The following SRRM4 variants were observed in gnomAD, a reference collection of about 807,000 sequenced individuals.
The protein encoded by SRRM4 is serine/arginine repetitive matrix protein 4.
SRRM4 carries 33 observed loss-of-function variants against 68.9 expected under a neutral mutation model. The ratio of observed to expected loss-of-function variants is 0.48; its 90% confidence interval spans 0.36 to 0.64. The LOEUF (loss-of-function observed/expected upper bound fraction) is 0.64, where lower values mean the gene tolerates loss of function less well. Among genes scored for constraint, SRRM4 ranks in the 30% least tolerant of loss-of-function variants. SRRM4 has a pLI of 0.00. For synonymous variants in SRRM4, 318 were observed against 318.8 expected, an observed-to-expected ratio of 1.00 and a Z score of 0.03; for missense variants, 817 against 827.1, an observed-to-expected ratio of 0.99 and a Z score of 0.15.
At chr12:118,994,594 C>T (rs1170319826) in intron 1 of SRRM4, among the ~76,000 whole-genome samples, 3 of 152,198 alleles carry the variant, frequency 2.0e-5, no homozygotes, top group Non-Finnish European at 4.4e-5. Flanking sequence ...TCAGTTCTGA[C>T]GCATGCCAAG....
chr12:119,148,315 C>T (rs112104537), intron 9 of SRRM4, among the ~76,000 whole-genome samples: 2,450 of 152,292 alleles, frequency 0.016, 76 homozygotes, highest in African/African-American at 0.056. Context: ...CAGGTCATCC[C>T]TGGCCTCAGC....
At chr12:119,092,562 C>T (rs1483536906) in intron 1 of SRRM4, among the ~76,000 whole-genome samples, 1 of 152,112 alleles carries the variant, frequency 6.6e-6, no homozygotes, top group Non-Finnish European at 1.5e-5. Flanking sequence ...CACTCCATAG[C>T]CAATCCATGC....
At chr12:118,988,540 C>T (rs775245308) in intron 1 of SRRM4, among the ~76,000 whole-genome samples, 11 of 152,054 alleles carry the variant, frequency 7.2e-5, no homozygotes. Context: ...TGAACAACCA[C>T]CAGTGATGGG....
intron 1 of SRRM4, among the ~76,000 whole-genome samples, chr12:119,092,569 A>G (rs955364852): frequency 5.9e-5 from 9 of 152,102 alleles, no homozygotes; most frequent in African/African-American, 2.2e-4. Context: ...TAGCCAATCC[A>G]TGCAAAAACT....
intron 1 of SRRM4, among the ~76,000 whole-genome samples, chr12:119,003,859 T>C (rs770162670): frequency 6.6e-6 from 1 of 152,078 alleles, no homozygotes; most frequent in Non-Finnish European, 1.5e-5. Flanking sequence ...TGAATTATTC[T>C]TTTCTTCTCT....
At chr12:119,030,339 CA>C (rs780614232) in intron 1 of SRRM4, among the ~76,000 whole-genome samples, 1 of 152,178 alleles carries the variant, frequency 6.6e-6, no homozygotes, top group Non-Finnish European at 1.5e-5. Context: ...GATGATATCA[CA>C]GGGCACCTCT....
At chr12:119,079,509 T>G (rs1291471365) in intron 1 of SRRM4, among the ~76,000 whole-genome samples, 1 of 152,172 alleles carries the variant, frequency 6.6e-6, no homozygotes, top group Non-Finnish European at 1.5e-5. Context: ...CTTTGAGGCA[T>G]TTGGTCTCTG....
At chr12:118,991,327 C>T (rs1482248375) in intron 1 of SRRM4, among the ~76,000 whole-genome samples, 1 of 152,252 alleles carries the variant, frequency 6.6e-6, no homozygotes, top group Non-Finnish European at 1.5e-5. Context: ...TCCCCTGGTG[C>T]CTGATTTATA....
chr12:118,982,130 A>G, intron 1 of SRRM4, 117 bp downstream of exon 1: 4 of 1,301,316 alleles, frequency 3.1e-6, no homozygotes, highest in Non-Finnish European at 4.2e-6. Flanking sequence ...TTTTCCCGTC[A>G]CTACTCGGCG....
intron 8 of SRRM4, among the ~76,000 whole-genome samples, chr12:119,132,105 C>A (rs1008451467): frequency 6.6e-6 from 1 of 152,218 alleles, no homozygotes; most frequent in African/African-American, 2.4e-5. Context: ...GAACCATCTG[C>A]AACTGTCCCC....
intron 7 of SRRM4, among the ~76,000 whole-genome samples, chr12:119,130,409 A>AGATGGAAG (rs1954289194): frequency 7.0e-6 from 1 of 142,422 alleles, no homozygotes; most frequent in South Asian, 2.3e-4. Context: ...TTGCTTAGAC[A>AGATGGAAG]GATGGATGGA....
chr12:119,011,854 G>A (rs1300432366), intron 1 of SRRM4, among the ~76,000 whole-genome samples: 1 of 152,134 alleles, frequency 6.6e-6, no homozygotes, highest in African/African-American at 2.4e-5. Context: ...GGAAGACCTG[G>A]TTGCCAATCT....
At position 119,075,581 on chromosome 12, in the gene SRRM4, GTGATGA is replaced by G. The variant is rs899665358; in HGVS notation, c.132-26640_132-26635del. On this transcript the variant is annotated intron_variant, in intron 1 of 12. Transcript: ENST00000267260. The stretch of plus-strand genomic sequence containing the variant: ...GATGGTGATGATAATGGTGATGATG[GTGATGA>G]TGATGATGATGATGTTGATGATGGT... 9.2e-3 allele frequency among the ~76,000 whole-genome samples: 1,327 copies of G among 144,038 alleles called. 23 individuals carry two copies. Among genetic ancestry groups the G allele is most frequent in the African/African-American group, 0.032 (1,254 of 39,154 alleles). The allele number at this position is 144,038 out of a possible 152,430, so 94.5% of individuals were successfully genotyped here. A position where few individuals can be genotyped will look rare whatever the true frequency, so the allele number is the denominator to read the frequency against.
At chr12:119,128,769 C>A (rs573363746) in intron 7 of SRRM4, among the ~76,000 whole-genome samples, 3 of 152,316 alleles carry the variant, frequency 2.0e-5, no homozygotes, top group Middle Eastern at 3.4e-3. Flanking sequence ...AATTATCTCT[C>A]GGCAGCTAAG....
intron 6 of SRRM4, 140 bp from the exon 7 acceptor site, chr12:119,125,241 G>C (rs543865479): frequency 2.8e-6 from 2 of 715,458 alleles, no homozygotes; most frequent in African/African-American, 3.6e-5. Flanking sequence ...TAACGCATGG[G>C]GTTGAGGGAG....
chr12:119,145,274 C>A, intron 8 of SRRM4, 107 bp from the exon 9 acceptor site: 2 of 970,978 alleles, frequency 2.1e-6, no homozygotes, highest in East Asian at 2.9e-5. Flanking sequence ...CTCTCTCTCT[C>A]TTTCCTTTCG....
At chr12:119,152,687 A>G (rs1954447295) in intron 10 of SRRM4, among the ~76,000 whole-genome samples, 1 of 152,320 alleles carries the variant, frequency 6.6e-6, no homozygotes, top group East Asian at 1.9e-4. Flanking sequence ...ACTCTTTCTT[A>G]TATCTCTCAA....
At chr12:119,099,242 C>T (rs187579964) in intron 1 of SRRM4, among the ~76,000 whole-genome samples, 6,227 of 152,264 alleles carry the variant, frequency 0.041, 196 homozygotes, top group East Asian at 0.096. Context: ...TCAAGCGATT[C>T]TCCTGCCTCA....
intron 2 of SRRM4, among the ~76,000 whole-genome samples, chr12:119,104,673 T>C (rs1017969871): frequency 6.6e-6 from 1 of 151,936 alleles, no homozygotes; most frequent in African/African-American, 2.4e-5. Flanking sequence ...CTGAGCCCTG[T>C]TGGAAGTAAG....
Sources: gnomAD v4.1 joint callset for allele counts (sites outside exome capture counted in the v4.1 genomes callset) on GRCh38, gnomAD v4.1.1 for gene constraint, MANE v1.5 for transcripts, NCBI Gene and HGNC (gene_info 2026-07-23, HGNC 2026-07-21) for gene names.